Variants in VEGFC observed in about 807,000 individuals in gnomAD.
VEGFC encodes FLT4 ligand DHM.
A neutral mutation model predicts 46.1 loss-of-function variants in VEGFC; 12 were observed. The observed-to-expected ratio is 0.26, with a 90% CI of 0.17 to 0.42. The LOEUF (loss-of-function observed/expected upper bound fraction) is 0.42. Ranked by LOEUF, VEGFC falls within the 10% of genes least tolerant of loss-of-function variation. VEGFC has a pLI of 1.00. For missense variants in VEGFC, 488 were observed against 529.4 expected (o/e 0.92, Z 0.77); for synonymous variants, 232 against 195.5 (o/e 1.19, Z -1.56).
intron 1 of VEGFC, among the ~76,000 whole-genome samples, chr4:176,731,399 A>G (rs1178824322): frequency 6.6e-6 from 1 of 152,070 alleles, no homozygotes. Context: ...TAATCATTTC[A>G]CAATGTACAT....
rs754424561 is a variant in VEGFC, at chr4:176,727,972, T to C, written c.362-4A>G. ...TTTCTCCACTCATTATCAATACCTG[T>C]CAAGTCATAGGGAAATCAGTAAGTT... On this transcript the variant is annotated splice_polypyrimidine_tract_variant and splice_region_variant and intron_variant, in intron 2 of 6. Transcript: ENST00000618562. 1 of 1,594,202 alleles carries C rather than the reference T, an allele frequency of 6.3e-7. No homozygotes were observed. The highest frequency in any genetic ancestry group is 1.1e-5 in the South Asian group (1 of 87,778).
intron 1 of VEGFC, among the ~76,000 whole-genome samples, chr4:176,766,133 G>T (rs1735618598): frequency 6.6e-6 from 1 of 152,066 alleles, no homozygotes; most frequent in Non-Finnish European, 1.5e-5. Context: ...ACTTAAAAAT[G>T]ATTATATAAT....
In VEGFC at chr4:176,792,593, G is replaced by C. The variant is rs1054832427; in HGVS notation, c.-282C>G. ...GCTCCCCGCATTCGGAGCCCGCGAG[G>C]TGAAGCGAGGGCGAGGGAGGACGCC... On this transcript the variant is annotated 5_prime_UTR_variant, in exon 1 of 7. Coordinates refer to ENST00000618562, the MANE Select transcript of VEGFC (RefSeq NM_005429.5). This position sits in a 1 kb window ranked among gnomAD's most constrained non-coding sequence, Gnocchi z 6.3. 6.3e-6 allele frequency: 2 copies of C among 317,736 alleles called. No homozygotes were observed. Among genetic ancestry groups the C allele is most frequent in the African/African-American group, 4.3e-5 (2 of 46,128 alleles). The allele number at this position is 317,736 out of a possible 1,614,324, so 19.7% of individuals were successfully genotyped here.
At chr4:176,774,827 T>C (rs1299149421) in intron 1 of VEGFC, among the ~76,000 whole-genome samples, 1 of 141,920 alleles carries the variant, frequency 7.0e-6, no homozygotes, top group Non-Finnish European at 1.5e-5. Flanking sequence ...AAAAAAAGAA[T>C]GCAAAAAAAA....
At chr4:176,789,122 C>A (rs778272891) in intron 1 of VEGFC, among the ~76,000 whole-genome samples, 2 of 152,134 alleles carry the variant, frequency 1.3e-5, no homozygotes, top group Non-Finnish European at 2.9e-5. Flanking sequence ...TGGTGAAAAC[C>A]CCAGCAAGAG....
intron 3 of VEGFC, among the ~76,000 whole-genome samples, chr4:176,725,407 G>A (rs891657764): frequency 1.3e-5 from 2 of 152,094 alleles, no homozygotes; most frequent in Admixed American, 6.6e-5. Flanking sequence ...GGGCTCCAGC[G>A]ATCCTCCTGC....
At chr4:176,740,427 T>TTA (rs1169713428) in intron 1 of VEGFC, among the ~76,000 whole-genome samples, 3 of 31,236 alleles carry the variant, frequency 9.6e-5, no homozygotes, top group African/African-American at 1.8e-4. Context: ...CTATATATAG[T>TTA]TATATATATA....
rs562336901 is a variant in VEGFC, at chr4:176,708,758, G to A, written c.704+2741C>T. ...AAATGTTTTTCTTACTGTAGATAGT[G>A]GTTTTAAAAATACTGAAAAACACAT... On this transcript the variant is annotated intron_variant, in intron 4 of 6. Coordinates refer to ENST00000618562, the MANE Select transcript of VEGFC (RefSeq NM_005429.5). Among the ~76,000 whole-genome samples the A allele has an allele frequency of 6.6e-5, 10 of 152,142 alleles. No homozygotes were observed. In the East Asian group the frequency reaches 1.9e-3, roughly 29 times the overall value.
intron 4 of VEGFC, among the ~76,000 whole-genome samples, chr4:176,692,372 C>T (rs1734207943): frequency 7.5e-6 from 1 of 133,072 alleles, no homozygotes; most frequent in Admixed American, 7.2e-5. Flanking sequence ...CCAGCCTGGG[C>T]GACAGAGCGA....
intron 3 of VEGFC, among the ~76,000 whole-genome samples, chr4:176,719,231 A>C (rs1734741899): frequency 6.6e-6 from 1 of 152,196 alleles, no homozygotes; most frequent in Non-Finnish European, 1.5e-5. Flanking sequence ...TTGTCCTTAC[A>C]ATTTACATCA....
At chr4:176,694,092 T>A (rs1734261314) in intron 4 of VEGFC, among the ~76,000 whole-genome samples, 2 of 150,684 alleles carry the variant, frequency 1.3e-5, no homozygotes, top group South Asian at 4.2e-4. Flanking sequence ...AATAACCAGC[T>A]AACATCATAA....
At chr4:176,705,616 T>C (rs1248751854) in intron 4 of VEGFC, among the ~76,000 whole-genome samples, 1 of 152,192 alleles carries the variant, frequency 6.6e-6, no homozygotes, top group Admixed American at 6.5e-5. Flanking sequence ...AATTTCCAAA[T>C]CTGTAGGATG....
chr4:176,711,693 T>C, intron 3 of VEGFC, 43 bp from the exon 4 acceptor site: 1 of 1,598,460 alleles, frequency 6.3e-7, no homozygotes, highest in Non-Finnish European at 8.5e-7. Context: ...ATATAGATGC[T>C]GTAAAGCACT....
intron 1 of VEGFC, among the ~76,000 whole-genome samples, chr4:176,730,785 A>C: frequency 6.6e-6 from 1 of 152,110 alleles, no homozygotes; most frequent in Non-Finnish European, 1.5e-5. Context: ...CTTAAAATTG[A>C]AATCTTATTT....
chr4:176,726,428 C>G (rs1164376715), intron 3 of VEGFC, among the ~76,000 whole-genome samples: 1 of 151,836 alleles, frequency 6.6e-6, no homozygotes, highest in Non-Finnish European at 1.5e-5. Context: ...TTTTTTTAAC[C>G]TTTAGAGTTG....
chr4:176,742,494 T>G (rs971804666), intron 1 of VEGFC, among the ~76,000 whole-genome samples: 1 of 152,028 alleles, frequency 6.6e-6, no homozygotes, highest in African/African-American at 2.4e-5. Flanking sequence ...GTTCTATTTT[T>G]AGTTCTTTGA....
At chr4:176,769,805 G>C (rs933116124) in intron 1 of VEGFC, among the ~76,000 whole-genome samples, 3 of 152,144 alleles carry the variant, frequency 2.0e-5, no homozygotes, top group Non-Finnish European at 4.4e-5. Flanking sequence ...AGGTCATACA[G>C]CTCCTGAGGC....
At chr4:176,775,839 T>C (rs1296075294) in intron 1 of VEGFC, among the ~76,000 whole-genome samples, 1 of 152,010 alleles carries the variant, frequency 6.6e-6, no homozygotes. Flanking sequence ...AGTTACCATT[T>C]CCCAAACAAT....
chr4:176,746,748 A>G (rs888784059), intron 1 of VEGFC, among the ~76,000 whole-genome samples: 4 of 152,132 alleles, frequency 2.6e-5, no homozygotes, highest in Admixed American at 2.0e-4. Context: ...GTTGATTGCC[A>G]TATTAAATTC....
Sources: allele counts gnomAD v4.1 joint callset (sites outside exome capture counted in the v4.1 genomes callset), GRCh38; gene constraint gnomAD v4.1.1; non-coding constraint Gnocchi (gnomAD v3.1); transcripts MANE v1.5; gene names NCBI Gene and HGNC (gene_info 2026-07-23, HGNC 2026-07-21).